Variants in CPLANE1 observed in about 807,000 individuals in gnomAD.
The protein encoded by CPLANE1 is ciliogenesis and planar polarity effector 1.
CPLANE1 carries 263 observed loss-of-function variants against 362.5 expected under a neutral mutation model. That is an observed-to-expected ratio of 0.73 (90% CI 0.66 to 0.80). The LOEUF is 0.80. CPLANE1 is among the 30% of genes least tolerant of loss of function. CPLANE1 has a pLI of 0.00. For synonymous variants in CPLANE1, 1,212 were observed against 1,302.6 expected (o/e 0.93, Z 1.50); for missense variants, 3,461 against 3,793.4 (o/e 0.91, Z 2.30).
intron 4 of CPLANE1, 37 bp downstream of exon 4, chr5:37,245,441 CT>C (rs767377236): frequency 2.2e-6 from 3 of 1,382,080 alleles, no homozygotes; most frequent in Non-Finnish European, 2.8e-6. Flanking sequence ...CCTATTTTTC[CT>C]AGTTAAACCA....
chr5:37,239,335 C>T (rs1456757154), intron 7 of CPLANE1, among the ~76,000 whole-genome samples: 1 of 152,082 alleles, frequency 6.6e-6, no homozygotes, highest in Non-Finnish European at 1.5e-5. Context: ...AATCCCAGCA[C>T]TTTGGGAGGC....
chr5:37,104,341 T>G (rs1757441009), downstream of CPLANE1, among the ~76,000 whole-genome samples: 1 of 152,174 alleles, frequency 6.6e-6, no homozygotes, highest in African/African-American at 2.4e-5. Flanking sequence ...CTCATGCCTG[T>G]AATCCCAGCA....
chr5:37,181,175 T>C (rs2151116741), intron 26 of CPLANE1, among the ~76,000 whole-genome samples, 170 bp from the exon 27 acceptor site: 1 of 152,354 alleles, frequency 6.6e-6, no homozygotes, highest in Admixed American at 6.5e-5. Context: ...AATGATCAAG[T>C]CTTTATTCTA....
chr5:37,145,784 T>A (rs1421854817), intron 43 of CPLANE1, among the ~76,000 whole-genome samples: 1 of 151,792 alleles, frequency 6.6e-6, no homozygotes, highest in Non-Finnish European at 1.5e-5. Flanking sequence ...CACCATGAAA[T>A]AAGATATTAG....
rs972576298 is a variant in CPLANE1, at chr5:37,124,986, T to C, written c.8958+258A>G. On this transcript the variant is annotated intron_variant, in intron 47 of 52. Coordinates refer to ENST00000651892, the MANE Select transcript of CPLANE1 (RefSeq NM_001384732.1). The stretch of plus-strand genomic sequence containing the variant: ...CACCCAATCACTCAACCTCCTCCTC[T>C]TGTTAAAATGCTATAGCCATCATTA... 9.1e-6 allele frequency: 11 copies of C among 1,212,524 alleles called. No individual in the cohort carries two copies. In the African/African-American group the frequency reaches 1.6e-4, roughly 17 times the overall value. 75.1% of individuals were successfully genotyped at this position (1,212,524 alleles called of 1,614,324 possible).
At chr5:37,205,179 AAAT>A (rs1157157796) in intron 18 of CPLANE1, 133 bp downstream of exon 18, 2 of 597,960 alleles carry the variant, frequency 3.3e-6, no homozygotes, top group Non-Finnish European at 2.5e-6. Context: ...AATAAAATAA[AAAT>A]AAATATCATA....
At chr5:37,206,894 T>C (rs970208453) in intron 16 of CPLANE1, among the ~76,000 whole-genome samples, 9 of 151,734 alleles carry the variant, frequency 5.9e-5, no homozygotes, top group Non-Finnish European at 4.4e-5. Context: ...TTATGAAATG[T>C]AGAAGGCAGA....
chr5:37,144,136 A>C (rs1420277315), intron 43 of CPLANE1, among the ~76,000 whole-genome samples: 1 of 151,610 alleles, frequency 6.6e-6, no homozygotes, highest in Non-Finnish European at 1.5e-5. Context: ...ACGGTCAGGC[A>C]CGGTGGCTCA....
chr5:37,245,737 C>A lies in CPLANE1; in HGVS notation c.190G>T (p.Val64Phe), dbSNP rs965197100. 1.3e-6 allele frequency: 2 copies of A among 1,532,382 alleles called. No individual in the cohort carries two copies. The highest frequency in any genetic ancestry group is 1.8e-6 in the Non-Finnish European group (2 of 1,141,006). The allele number at this position is 1,532,382 out of a possible 1,614,324, so 94.9% of individuals were successfully genotyped here. A position where few individuals can be genotyped will look rare whatever the true frequency, so the allele number is the denominator to read the frequency against. The change falls in exon 3 of 53, where the codon GTT (valine) becomes TTT (phenylalanine). Residue 64 changes from valine to phenylalanine, a missense_variant. Physicochemically the swap from Val to Phe is conservative, Grantham distance 50 (BLOSUM62 -1). Around this residue, in one of 2 missense-constraint regions of CPLANE1, gnomAD observed 3,380 missense variants for 3,666.1 expected, o/e 0.92. Coordinates refer to ENST00000651892, the MANE Select transcript of CPLANE1 (RefSeq NM_001384732.1). ...IPSLQPFLKD[V>F]IVLTTSSNDA... The stretch of plus-strand genomic sequence containing the variant: ...TTACTGGATGTTGTTAGGACAATAA[C>A]ATCCTTCAAGAAAGGCTGCAGACTA...
chr5:37,162,450 TA>T lies in CPLANE1; in HGVS notation c.7690+14del, dbSNP rs1239942182. Reference sequence around the variant, plus strand: ...AAAATATATGAATTTTTTTAAAAAGTAAAACAGCATTTACCTGGGTCTGTAT... The same window carrying T: ...AAAATATATGAATTTTTTTAAAAAGTAAACAGCATTTACCTGGGTCTGTAT... On this transcript the variant is annotated intron_variant, in intron 38 of 52. Transcript: ENST00000651892. 1.3e-6 allele frequency: 2 copies of T among 1,524,494 alleles called. No individual in the cohort carries two copies. The highest frequency in any genetic ancestry group is 1.2e-5 in the South Asian group (1 of 86,406). The allele number at this position is 1,524,494 out of a possible 1,614,324, so 94.4% of individuals were successfully genotyped here.
At chr5:37,122,877 T>C (rs902893806) in intron 47 of CPLANE1, among the ~76,000 whole-genome samples, 9 of 152,090 alleles carry the variant, frequency 5.9e-5, no homozygotes, top group Admixed American at 5.9e-4. Context: ...CAAGGCTCCG[T>C]TTCAAAAAAA....
Position 37,227,967 on chromosome 5 carries a change from C to T in CPLANE1, c.1122-150G>A, listed in dbSNP as rs1053829005. 22 of 748,906 alleles carry T rather than the reference C, an allele frequency of 2.9e-5. No individual in the cohort carries two copies. The East Asian group carries it at 6.0e-4, about 20-fold the overall frequency. 46.4% of individuals were successfully genotyped at this position (748,906 alleles called of 1,614,324 possible). A position where few individuals can be genotyped will look rare whatever the true frequency, so the allele number is the denominator to read the frequency against. ...AAATATTAAATGTGTTTATATCTTT[C>T]AGGAAAACATAACACAGGATAAAGA... On this transcript the variant is annotated intron_variant, in intron 9 of 52. Coordinates refer to ENST00000651892, the MANE Select transcript of CPLANE1 (RefSeq NM_001384732.1).
chr5:37,197,272 A>AT (rs1209307386), intron 20 of CPLANE1, among the ~76,000 whole-genome samples: 2 of 152,144 alleles, frequency 1.3e-5, no homozygotes, highest in South Asian at 2.1e-4. Flanking sequence ...CTTGCAATTG[A>AT]TTTTCTCCTG....
chr5:37,121,195 C>G (rs891305274), intron 49 of CPLANE1, among the ~76,000 whole-genome samples: 1 of 152,116 alleles, frequency 6.6e-6, no homozygotes, highest in Admixed American at 6.5e-5. Context: ...ATGAGCATAA[C>G]TGGGCAGGTC....
chr5:37,244,419 C>T lies in CPLANE1; in HGVS notation c.526G>A (p.Glu176Lys), dbSNP rs964246930. Reference protein sequence around the residue: ...PEEAVLLPSTEDKEAVVNAVF... With the variant: ...PEEAVLLPSTKDKEAVVNAVF... ...GCATTCACTACAGCTTCTTTATCTT[C>T]GGTGGAAGGCAAGAGAACTGCTTCT... The change falls in exon 5 of 53, where the codon GAA (glutamate) becomes AAA (lysine). Residue 176 changes from glutamate (E) to lysine (K), a missense_variant. Physicochemically the swap from Glu to Lys is moderately conservative, Grantham distance 56 (BLOSUM62 1). Coordinates refer to ENST00000651892, the MANE Select transcript of CPLANE1 (RefSeq NM_001384732.1). 3.2e-6 allele frequency: 5 copies of T among 1,550,520 alleles called. No individual in the cohort carries two copies. The highest frequency in any genetic ancestry group is 2.4e-5 in the South Asian group (2 of 83,826).
At chr5:37,245,106 T>C (rs970826115) in intron 4 of CPLANE1, among the ~76,000 whole-genome samples, 3 of 150,294 alleles carry the variant, frequency 2.0e-5, no homozygotes, top group African/African-American at 7.4e-5. Context: ...ATCCCACCAC[T>C]GCACTCCAGC....
In CPLANE1 at chr5:37,209,286, C is replaced by T. The variant is rs1791894757; in HGVS notation, c.2921-2861G>A. The T allele has an allele frequency of 2.7e-6, 2 of 740,010 alleles. No homozygotes were observed. Among genetic ancestry groups the T allele is most frequent in the South Asian group, 1.4e-5 (1 of 70,222 alleles). 45.8% of individuals were successfully genotyped at this position (740,010 alleles called of 1,614,324 possible). On this transcript the variant is annotated intron_variant, in intron 16 of 52. Transcript: ENST00000651892. The surrounding 1 kb of genome is among the most constrained non-coding windows in gnomAD (Gnocchi z 4.6). ...GGGCAGGGATTCCCCCTCGTCTTGG[C>T]CCTACAGCCCCAGCTGGGCACTAAA...
At chr5:37,138,896 T>A (rs1768720596) in intron 45 of CPLANE1, 48 bp from the exon 46 acceptor site, 1 of 1,505,762 alleles carries the variant, frequency 6.6e-7, no homozygotes, top group Admixed American at 2.1e-5. Flanking sequence ...TATCTACAAC[T>A]TAATTACATT....
intron 32 of CPLANE1, among the ~76,000 whole-genome samples, chr5:37,171,661 T>C (rs754932460): frequency 6.6e-6 from 1 of 151,998 alleles, no homozygotes; most frequent in Non-Finnish European, 1.5e-5. Context: ...ACAGAAATTT[T>C]AAAAATAAAA....
Sources: allele counts gnomAD v4.1 joint callset (sites outside exome capture counted in the v4.1 genomes callset), GRCh38; gene constraint gnomAD v4.1.1; regional missense constraint gnomAD v4.1.1; non-coding constraint Gnocchi (gnomAD v3.1); transcripts MANE v1.5; gene names NCBI Gene and HGNC (gene_info 2026-07-23, HGNC 2026-07-21).